The following LIPI variants were observed in gnomAD, a reference collection of about 807,000 sequenced individuals.
LIPI encodes lipase member I.
In LIPI, 59 loss-of-function variants were observed where a neutral mutation model predicts 50.6. That is an observed-to-expected ratio of 1.16 (90% CI 0.94 to 1.45). The LOEUF (loss-of-function observed/expected upper bound fraction) is 1.45, where lower values mean the gene tolerates loss of function less well. Among genes scored for constraint, LIPI ranks in the 40% most tolerant of loss-of-function variants. The probability of loss-of-function intolerance (pLI) is 0.00; values close to 1 mark genes in which losing one functional copy is unlikely to be tolerated. For missense variants in LIPI, 586 were observed against 536.3 expected, an observed-to-expected ratio of 1.09 and a Z score of -0.92; for synonymous variants, 203 against 178.2, an observed-to-expected ratio of 1.14 and a Z score of -1.11.
intron 6 of LIPI, among the ~76,000 whole-genome samples, chr21:14,164,478 T>TG (rs2018606749): frequency 6.6e-6 from 1 of 152,162 alleles, no homozygotes; most frequent in East Asian, 1.9e-4. Flanking sequence ...GCTTCAGCAG[T>TG]TGGTTTAATT....
At position 14,203,275 on chromosome 21, in the gene LIPI, G is replaced by C. The variant is rs530079035; in HGVS notation, c.46+7525C>G. Among the ~76,000 whole-genome samples, 470 of 152,222 alleles carry C rather than the reference G, an allele frequency of 3.1e-3. 4 individuals carry two copies. The highest frequency in any genetic ancestry group is 0.011 in the African/African-American group (453 of 41,546). On this transcript the variant is annotated intron_variant, in intron 1 of 9. Transcript: ENST00000681601. ...TTCAACCATTGTGGAAGTCAGTGTG[G>C]CGATTCCTCAGGGATCTAGAACTAG...
chr21:14,195,274 G>T (rs1255973124), intron 1 of LIPI, among the ~76,000 whole-genome samples: 7 of 152,114 alleles, frequency 4.6e-5, no homozygotes, highest in African/African-American at 1.7e-4. Context: ...ATGATCCTTT[G>T]CATACATGGG....
chr21:14,128,958 A>G (rs940367125), intron 9 of LIPI, among the ~76,000 whole-genome samples: 3 of 152,100 alleles, frequency 2.0e-5, no homozygotes, highest in Admixed American at 2.0e-4. Context: ...AAGAGTTTGA[A>G]CAAGATGTTT....
At chr21:14,157,728 C>G (rs2123117716) in intron 7 of LIPI, among the ~76,000 whole-genome samples, 1 of 151,978 alleles carries the variant, frequency 6.6e-6, no homozygotes, top group African/African-American at 2.4e-5. Context: ...ACATGCGAAG[C>G]CATGAACCCA....
chr21:14,129,590 T>C (rs182344002), intron 9 of LIPI, among the ~76,000 whole-genome samples: 5 of 152,118 alleles, frequency 3.3e-5, no homozygotes, highest in Non-Finnish European at 5.9e-5. Context: ...TAATTATTTG[T>C]ATTTTAAAAT....
Position 14,189,292 on chromosome 21 carries a change from T to G in LIPI, c.174A>C (p.Pro58=). 5 of 1,614,018 alleles carry G rather than the reference T, an allele frequency of 3.1e-6. No individual in the cohort carries two copies. The highest frequency in any genetic ancestry group is 4.2e-6 in the Non-Finnish European group (5 of 1,179,908). ...TAAGTGAGTTATTTTGTTCAAACAG[T>G]GGCTCAGCACAGTTTAGGTTGTTCC... is the stretch of plus-strand genomic sequence containing the variant. ...YTRNNLNCAE[P]LFEQNNSLNV... The change falls in exon 2 of 10, where the codon CCA becomes CCC. Residue 58 remains proline, a synonymous_variant. Coordinates refer to ENST00000681601, the MANE Select transcript of LIPI (RefSeq NM_001302998.2).
At chr21:14,150,615 T>C (rs1348257838) in intron 8 of LIPI, among the ~76,000 whole-genome samples, 1 of 152,200 alleles carries the variant, frequency 6.6e-6, no homozygotes, top group Non-Finnish European at 1.5e-5. Flanking sequence ...CCAAAAATCC[T>C]GTTTTTGATA....
chr21:14,195,801 G>T (rs1454711765), intron 1 of LIPI, among the ~76,000 whole-genome samples: 1 of 152,012 alleles, frequency 6.6e-6, no homozygotes, highest in Non-Finnish European at 1.5e-5. Flanking sequence ...AAGAATTAAA[G>T]ACATTTTACA....
chr21:14,205,831 T>C (rs1308152263), intron 1 of LIPI, among the ~76,000 whole-genome samples: 1 of 152,090 alleles, frequency 6.6e-6, no homozygotes, highest in Non-Finnish European at 1.5e-5. Flanking sequence ...TTAGTATTAA[T>C]TTTTGTACCT....
intron 9 of LIPI, among the ~76,000 whole-genome samples, chr21:14,124,050 T>C (rs1363212852): frequency 6.6e-6 from 1 of 152,140 alleles, no homozygotes; most frequent in Non-Finnish European, 1.5e-5. Flanking sequence ...TTCTCATGGT[T>C]TGGAGGCTTT....
chr21:14,138,988 AT>A (rs1401698718), intron 9 of LIPI, among the ~76,000 whole-genome samples: 1 of 152,074 alleles, frequency 6.6e-6, no homozygotes, highest in Non-Finnish European at 1.5e-5. Flanking sequence ...GGTTAATCAT[AT>A]TTTCAAGGTA....
intron 3 of LIPI, among the ~76,000 whole-genome samples, chr21:14,184,339 G>C (rs1467846252): frequency 1.3e-5 from 2 of 152,086 alleles, no homozygotes; most frequent in African/African-American, 4.8e-5. Context: ...GGTGGGGGAA[G>C]TGGGGAGGGA....
At chr21:14,183,637 C>T (rs147855400) in intron 3 of LIPI, among the ~76,000 whole-genome samples, 2,032 of 152,106 alleles carry the variant, frequency 0.013, 34 homozygotes, top group African/African-American at 0.044. Flanking sequence ...AAGAAAAAAA[C>T]GAACAACCCC....
chr21:14,161,748 T>C (rs1480769334), intron 7 of LIPI, among the ~76,000 whole-genome samples: 4 of 76,830 alleles, frequency 5.2e-5, no homozygotes, highest in African/African-American at 2.3e-4. Flanking sequence ...TATATATTAA[T>C]ATATAATATA....
At chr21:14,162,622 C>G (rs570011106) in intron 7 of LIPI, among the ~76,000 whole-genome samples, 1 of 151,898 alleles carries the variant, frequency 6.6e-6, no homozygotes, top group African/African-American at 2.4e-5. Flanking sequence ...CTAAAATTAA[C>G]TCAATAAAAT....
chr21:14,140,233 G>T (rs2017655281), intron 9 of LIPI, among the ~76,000 whole-genome samples: 1 of 152,072 alleles, frequency 6.6e-6, no homozygotes, highest in Admixed American at 6.6e-5. Flanking sequence ...AAGAATTCTG[G>T]ATATTTTCAG....
At chr21:14,191,509 A>AG (rs1475151198) in intron 1 of LIPI, among the ~76,000 whole-genome samples, 1 of 145,422 alleles carries the variant, frequency 6.9e-6, no homozygotes, top group Non-Finnish European at 1.5e-5. Context: ...AAAGCAAAAA[A>AG]TAAAAATAAA....
chr21:14,130,027 A>C (rs142510180), intron 9 of LIPI, among the ~76,000 whole-genome samples: 14 of 152,266 alleles, frequency 9.2e-5, no homozygotes, highest in Middle Eastern at 3.4e-3. Flanking sequence ...GGTGGTGGAG[A>C]GTGACAGTGG....
intron 1 of LIPI, among the ~76,000 whole-genome samples, chr21:14,201,322 C>T (rs2020044498): frequency 6.6e-6 from 1 of 151,996 alleles, no homozygotes; most frequent in Non-Finnish European, 1.5e-5. Context: ...GACTAAACAA[C>T]CTACAGAATG....
Sources: gnomAD v4.1 joint callset for allele counts (sites outside exome capture counted in the v4.1 genomes callset) on GRCh38, gnomAD v4.1.1 for gene constraint, MANE v1.5 for transcripts, NCBI Gene and HGNC (gene_info 2026-07-23, HGNC 2026-07-21) for gene names.